LTBP2: variants seen among roughly 807,000 people sequenced by gnomAD.
LTBP2 encodes latent transforming growth factor beta binding protein 2.
A neutral mutation model predicts 210.6 loss-of-function variants in LTBP2; 103 were observed. The ratio of observed to expected loss-of-function variants is 0.49; its 90% CI spans 0.42 to 0.58. The LOEUF (loss-of-function observed/expected upper bound fraction) is 0.58. LTBP2 is among the 20% of genes least tolerant of loss of function. The pLI is 0.00. For synonymous variants in LTBP2, 1,007 were observed against 1,015.0 expected, an observed-to-expected ratio of 0.99 and a Z score of 0.15; for missense variants, 2,313 against 2,494.5, an observed-to-expected ratio of 0.93 and a Z score of 1.55.
chr14:74,564,134 TA>T (rs1201289208), intron 3 of LTBP2, among the ~76,000 whole-genome samples: 2 of 49,550 alleles, frequency 4.0e-5, no homozygotes, highest in African/African-American at 1.7e-4. Context: ...TTTATATATA[TA>T]TTTATATATA....
chr14:74,560,263 T>C (rs1223059387), intron 3 of LTBP2, among the ~76,000 whole-genome samples: 1 of 152,182 alleles, frequency 6.6e-6, no homozygotes, highest in Non-Finnish European at 1.5e-5. Context: ...TAAGCCTAAC[T>C]TCATGGAAAT....
chr14:74,606,889 ACCCAGCCTTCC>A (rs2088534965), intron 1 of LTBP2, among the ~76,000 whole-genome samples: 1 of 151,458 alleles, frequency 6.6e-6, no homozygotes, highest in Non-Finnish European at 1.5e-5. Context: ...TCTGACATCT[ACCCAGCCTTCC>A]CTCATTCTCC....
intron 2 of LTBP2, among the ~76,000 whole-genome samples, chr14:74,597,830 T>C (rs1430732323): frequency 6.6e-6 from 1 of 152,216 alleles, no homozygotes; most frequent in Non-Finnish European, 1.5e-5. Flanking sequence ...CCCCACTGGC[T>C]GGTTCATCCG....
intron 3 of LTBP2, among the ~76,000 whole-genome samples, chr14:74,572,079 T>C (rs893876099): frequency 3.3e-5 from 5 of 152,188 alleles, no homozygotes; most frequent in Admixed American, 6.5e-5. Context: ...ATTTCATTAT[T>C]GGGAATCATT....
At chr14:74,510,466 C>T (rs1224692333) in intron 19 of LTBP2, among the ~76,000 whole-genome samples, 1 of 152,224 alleles carries the variant, frequency 6.6e-6, no homozygotes, top group Non-Finnish European at 1.5e-5. Flanking sequence ...GGGGCCAGGT[C>T]TCCCCGCCCT....
chr14:74,502,778 G>A lies in LTBP2; in HGVS notation c.5045C>T (p.Pro1682Leu), dbSNP rs1252801165. 1.2e-6 allele frequency: 2 copies of A among 1,614,180 alleles called. No homozygotes were observed. The highest frequency in any genetic ancestry group is 1.7e-6 in the Non-Finnish European group (2 of 1,180,010). ...GGCAGGCTCAGGGACGGTGTCCTCG[G>A]GGCCCAGGTAGTTGTAGAAGGGGGC... The part of the protein sequence containing the change: ...DGAPFYNYLG[P>L]EDTVPEPAFP... The change falls in exon 34 of 36, where the codon CCC becomes CTC. Residue 1682 changes from proline to leucine, a missense_variant. Around this residue, in one of 3 missense-constraint regions of LTBP2, gnomAD observed 443 missense variants for 501.4 expected, o/e 0.88. Coordinates refer to ENST00000261978, the MANE Select transcript of LTBP2 (RefSeq NM_000428.3).
At position 74,504,968 on chromosome 14, in the gene LTBP2, C is replaced by T; in HGVS notation, c.4369+15G>A. 2 of 1,614,174 alleles carry T rather than the reference C, an allele frequency of 1.2e-6. No individual in the cohort carries two copies. Among genetic ancestry groups the T allele is most frequent in the East Asian group, 2.2e-5 (1 of 44,876 alleles). On this transcript the variant is annotated intron_variant, in intron 29 of 35. Transcript: ENST00000261978. Reference sequence around the variant, plus strand: ...GAGCTGACCCTTCGAGGATCTGGAACCCTTGGGGTCTTACCTGAGTCCTCA... The same window carrying T: ...GAGCTGACCCTTCGAGGATCTGGAATCCTTGGGGTCTTACCTGAGTCCTCA...
intron 3 of LTBP2, among the ~76,000 whole-genome samples, chr14:74,557,358 GT>G (rs1475046020): frequency 6.6e-6 from 1 of 152,174 alleles, no homozygotes; most frequent in African/African-American, 2.4e-5. Flanking sequence ...GCACACACTG[GT>G]GTATTGCTTT....
In LTBP2 at chr14:74,504,040, C is replaced by T. The variant is rs1488379259; in HGVS notation, c.4468G>A (p.Val1490Met). The T allele has an allele frequency of 6.2e-6, 10 of 1,613,968 alleles. No individual in the cohort carries two copies. Among genetic ancestry groups the T allele is most frequent in the Non-Finnish European group, 8.5e-6 (10 of 1,179,984 alleles). Residue 1490 changes from valine to methionine, a missense_variant, in exon 31 of 36, where the codon GTG (valine) becomes ATG (methionine). Val to Met is a conservative substitution (Grantham distance 21). This residue lies in a region of LTBP2 where 443 missense variants were observed against 501.4 expected (regional missense o/e 0.88). Coordinates refer to ENST00000261978, the MANE Select transcript of LTBP2 (RefSeq NM_000428.3). Reference protein sequence around the residue: ...QTMYTDADECVIFGPGLCPNG... With the variant: ...QTMYTDADECMIFGPGLCPNG... ...GGGCAGAGACCAGGCCCGAATATCA[C>T]ACACTCATCCGCATCTGTGGAAGGC...
At chr14:74,516,994 A>AG in intron 17 of LTBP2, 53 bp from the exon 18 acceptor site, 2 of 1,544,478 alleles carry the variant, frequency 1.3e-6, no homozygotes, top group Non-Finnish European at 1.7e-6. Flanking sequence ...AGGATGGTGG[A>AG]GGGGGCGGGG....
intron 2 of LTBP2, among the ~76,000 whole-genome samples, chr14:74,592,815 G>A (rs2088300310): frequency 6.6e-6 from 1 of 152,208 alleles, no homozygotes; most frequent in Non-Finnish European, 1.5e-5. Context: ...TTGATCTGCA[G>A]AAGACGGAAT....
At position 74,607,267 on chromosome 14, in the gene LTBP2, G is replaced by C. The variant is rs147949969; in HGVS notation, c.495-3562C>G. ...ACGCTAGTCCCCCTTCCAATAGAGG[G>C]AACTTGCCACAGAGTTGAGCTTCCT... On this transcript the variant is annotated intron_variant, in intron 1 of 35. Transcript: ENST00000261978. Among the ~76,000 whole-genome samples, 129 of 152,310 alleles carry C rather than the reference G, an allele frequency of 8.5e-4. No individual in the cohort carries two copies. The East Asian group carries it at 0.022, about 26-fold the overall frequency.
In LTBP2 at chr14:74,504,759, A is replaced by G; in HGVS notation, c.4453+19T>C. 6.2e-7 allele frequency: 1 copy of G among 1,612,950 alleles called. No homozygotes were observed. The highest frequency in any genetic ancestry group is 8.5e-7 in the Non-Finnish European group (1 of 1,178,962). ...CCACTCAGGTGAAGGAGTTTGGGGC[A>G]GAGGATGGAGCAGATTACCTGTGTA... On this transcript the variant is annotated intron_variant, in intron 30 of 35. Coordinates refer to ENST00000261978, the MANE Select transcript of LTBP2 (RefSeq NM_000428.3).
At chr14:74,520,366 G>C (rs910717104) in intron 17 of LTBP2, among the ~76,000 whole-genome samples, 42 of 152,114 alleles carry the variant, frequency 2.8e-4, no homozygotes, top group African/African-American at 8.7e-4. Flanking sequence ...GAGGCCCCTG[G>C]GTATTTCAAT....
At chr14:74,553,207 C>T (rs2139749233) in intron 4 of LTBP2, 145 bp from the exon 5 acceptor site, 5 of 785,806 alleles carry the variant, frequency 6.4e-6, no homozygotes, top group East Asian at 5.4e-5. Context: ...AGGGTCCCAT[C>T]GTAGGGGCAA....
chr14:74,553,082 G>A lies in LTBP2; in HGVS notation c.1022-20C>T, dbSNP rs536226505. 202 of 1,613,464 alleles carry A rather than the reference G, an allele frequency of 1.3e-4. 1 individual carries two copies. The South Asian group carries it at 1.9e-3, about 15-fold the overall frequency. On this transcript the variant is annotated intron_variant, in intron 4 of 35. Transcript: ENST00000261978. Reference sequence around the variant, plus strand: ...TCAGCCCTGCAGAGAGAGGGCTTGGGTCCAGGGGGCAGGGCTGAGAGGCAC... The same window carrying A: ...TCAGCCCTGCAGAGAGAGGGCTTGGATCCAGGGGGCAGGGCTGAGAGGCAC...
intron 3 of LTBP2, among the ~76,000 whole-genome samples, chr14:74,583,987 A>C (rs972362955): frequency 6.6e-6 from 1 of 151,038 alleles, no homozygotes; most frequent in Non-Finnish European, 1.5e-5. Context: ...GGCTGCAGGT[A>C]CAGCTGAGGG....
intron 9 of LTBP2, 27 bp downstream of exon 9, chr14:74,535,899 G>T (rs780173594): frequency 4.4e-6 from 7 of 1,604,756 alleles, no homozygotes; most frequent in Middle Eastern, 1.7e-4. Flanking sequence ...GCATCCTTGA[G>T]CCCAGCCCTG....
intron 3 of LTBP2, among the ~76,000 whole-genome samples, chr14:74,560,698 C>A (rs765292653): frequency 7.9e-5 from 12 of 152,184 alleles, no homozygotes; most frequent in Non-Finnish European, 1.2e-4. Context: ...TCTGCCTCTG[C>A]AGATTCAACC....
Sources: gnomAD v4.1 joint callset for allele counts (sites outside exome capture counted in the v4.1 genomes callset) on GRCh38, gnomAD v4.1.1 for gene constraint, gnomAD v4.1.1 regional missense constraint, MANE v1.5 for transcripts, NCBI Gene and HGNC (gene_info 2026-07-23, HGNC 2026-07-21) for gene names.